The following FTO variants were observed in gnomAD, a reference collection of about 807,000 sequenced individuals.
The protein encoded by FTO is FTO alpha-ketoglutarate dependent dioxygenase.
Under a neutral mutation model 63.9 loss-of-function variants are expected in FTO, and 47 were observed. The ratio of observed to expected loss-of-function variants is 0.74; its 90% CI spans 0.58 to 0.94. FTO has a LOEUF of 0.94. Among genes scored for constraint, FTO ranks in the 40% least tolerant of loss-of-function variants. The probability of loss-of-function intolerance (pLI) is 0.00; values close to 1 mark genes in which losing one functional copy is unlikely to be tolerated. For synonymous variants in FTO, 207 were observed against 224.4 expected (o/e 0.92, Z 0.69); for missense variants, 562 against 618.1 (o/e 0.91, Z 0.96).
intron 1 of FTO, among the ~76,000 whole-genome samples, chr16:53,765,206 C>T (rs912362987): frequency 1.3e-5 from 2 of 151,954 alleles, no homozygotes; most frequent in Non-Finnish European, 1.5e-5. Context: ...TAGTAACAGA[C>T]GAGAGTCCCT....
intron 1 of FTO, among the ~76,000 whole-genome samples, chr16:53,801,925 A>G (rs764219898): frequency 1.3e-5 from 2 of 151,746 alleles, no homozygotes; most frequent in African/African-American, 2.4e-5. Flanking sequence ...ACACCCAGCT[A>G]ATTTTTGTAT....
chr16:54,111,061 C>A (rs559555039), intron 8 of FTO, among the ~76,000 whole-genome samples: 1 of 152,280 alleles, frequency 6.6e-6, no homozygotes, highest in Admixed American at 6.5e-5. Context: ...TAATTAATTT[C>A]TCTACTATTG....
intron 8 of FTO, among the ~76,000 whole-genome samples, chr16:54,025,331 A>G (rs2084689379): frequency 6.6e-6 from 1 of 152,228 alleles, no homozygotes. Context: ...TATTCTCAAC[A>G]CTAGTGATTG....
intron 7 of FTO, among the ~76,000 whole-genome samples, chr16:53,911,643 A>C (rs753410300): frequency 2.0e-5 from 3 of 152,246 alleles, no homozygotes; most frequent in African/African-American, 2.4e-5. Flanking sequence ...GTAGCCAGAC[A>C]TGTGGTATCC....
At chr16:53,871,712 A>G (rs1176223783) in intron 4 of FTO, among the ~76,000 whole-genome samples, 1 of 151,664 alleles carries the variant, frequency 6.6e-6, no homozygotes. Flanking sequence ...TTAAATTACT[A>G]AGAAGTTGGA....
At chr16:53,737,436 C>G (rs1381118939) in intron 1 of FTO, among the ~76,000 whole-genome samples, 1 of 152,084 alleles carries the variant, frequency 6.6e-6, no homozygotes, top group Non-Finnish European at 1.5e-5. Context: ...CGTACAGTAA[C>G]TTGCTATACA....
intron 6 of FTO, 36 bp downstream of exon 6, chr16:53,880,023 C>G (rs776898876): frequency 1.0e-5 from 15 of 1,504,032 alleles, no homozygotes; most frequent in South Asian, 9.2e-5. Context: ...GAGATGGAGT[C>G]TCGCTCTGTC....
At chr16:54,101,692 G>A (rs1328042770) in intron 8 of FTO, among the ~76,000 whole-genome samples, 1 of 152,156 alleles carries the variant, frequency 6.6e-6, no homozygotes, top group African/African-American at 2.4e-5. Context: ...TAATGGGATT[G>A]CTGGGCTGAA....
At chr16:54,003,447 A>C (rs182214575) in intron 8 of FTO, among the ~76,000 whole-genome samples, 2 of 152,300 alleles carry the variant, frequency 1.3e-5, no homozygotes, top group Non-Finnish European at 2.9e-5. Context: ...TAGAAAGATG[A>C]GGTTTATGTT....
chr16:53,914,928 GA>G (rs1247232443), intron 7 of FTO, among the ~76,000 whole-genome samples: 1 of 152,144 alleles, frequency 6.6e-6, no homozygotes, highest in East Asian at 1.9e-4. Flanking sequence ...TGGTTACAAT[GA>G]AAATGGACCC....
chr16:53,764,499 G>A (rs1212885520), intron 1 of FTO, among the ~76,000 whole-genome samples: 3 of 144,566 alleles, frequency 2.1e-5, no homozygotes, highest in Non-Finnish European at 4.6e-5. Context: ...AAAGAAAAGA[G>A]GGGCTGAATT....
At chr16:53,829,827 TCA>T (rs2079098372) in intron 3 of FTO, among the ~76,000 whole-genome samples, 1 of 152,100 alleles carries the variant, frequency 6.6e-6, no homozygotes, top group Admixed American at 6.5e-5. Flanking sequence ...ACTTTTGAAA[TCA>T]CTTGATTCTA....
intron 1 of FTO, among the ~76,000 whole-genome samples, chr16:53,802,328 T>A (rs1200204345): frequency 6.6e-6 from 1 of 152,180 alleles, no homozygotes; most frequent in East Asian, 1.9e-4. Flanking sequence ...GGAATAATGA[T>A]AAGAAAAAAG....
intron 8 of FTO, among the ~76,000 whole-genome samples, chr16:53,990,843 T>C (rs937368023): frequency 1.3e-4 from 20 of 151,932 alleles, no homozygotes; most frequent in Admixed American, 1.2e-3. Flanking sequence ...AATTTATGTA[T>C]TTTTAGTAGA....
chr16:53,877,508 G>C (rs1157118296), intron 5 of FTO, among the ~76,000 whole-genome samples: 1 of 152,204 alleles, frequency 6.6e-6, no homozygotes, highest in Non-Finnish European at 1.5e-5. Context: ...GACATAGAAA[G>C]TAGATTAGTG....
intron 1 of FTO, among the ~76,000 whole-genome samples, chr16:53,745,129 C>G (rs961898685): frequency 6.6e-6 from 1 of 152,052 alleles, no homozygotes; most frequent in Admixed American, 6.6e-5. Flanking sequence ...GGTTTAACAC[C>G]CTTTGGATTG....
chr16:53,769,207 T>A (rs1294959916), intron 1 of FTO, among the ~76,000 whole-genome samples: 1 of 152,208 alleles, frequency 6.6e-6, no homozygotes, highest in Non-Finnish European at 1.5e-5. Flanking sequence ...TGTCCATTTA[T>A]CTTTCCTTCT....
chr16:53,991,629 G>A (rs1490640332), intron 8 of FTO: 2 of 152,216 alleles, frequency 1.3e-5, no homozygotes, highest in African/African-American at 4.8e-5. Context: ...AAATTGAGCT[G>A]CTTTGAACTT....
chr16:53,871,658 G>A (rs770096114), intron 4 of FTO, among the ~76,000 whole-genome samples: 1 of 151,288 alleles, frequency 6.6e-6, no homozygotes, highest in Non-Finnish European at 1.5e-5. Context: ...GCCTGATTTT[G>A]TTATATACTT....
Sources: allele counts gnomAD v4.1 joint callset (sites outside exome capture counted in the v4.1 genomes callset), GRCh38; gene constraint gnomAD v4.1.1; transcripts MANE v1.5; gene names NCBI Gene and HGNC (gene_info 2026-07-23, HGNC 2026-07-21).